The following SLIT2 variants were observed in gnomAD, a reference collection of about 807,000 sequenced individuals.
SLIT2 encodes the protein slit guidance ligand 2.
Under a neutral mutation model 185.7 loss-of-function variants are expected in SLIT2, and 41 were observed. That is an observed-to-expected ratio of 0.22 (90% CI 0.17 to 0.29). SLIT2 has a LOEUF of 0.29. Among genes scored for constraint, SLIT2 ranks in the 10% least tolerant of loss-of-function variants. The pLI, the probability that SLIT2 is intolerant of heterozygous loss-of-function variation, is 1.00. For missense variants in SLIT2, 1,571 were observed against 1,909.0 expected (o/e 0.82, Z 3.30); for synonymous variants, 693 against 680.2 (o/e 1.02, Z -0.29).
chr4:20,580,764 C>T (rs1560212450), intron 29 of SLIT2, among the ~76,000 whole-genome samples: 1 of 152,164 alleles, frequency 6.6e-6, no homozygotes, highest in Admixed American at 6.5e-5. Flanking sequence ...CTAATCTACA[C>T]TACTGTGCTC....
intron 4 of SLIT2, among the ~76,000 whole-genome samples, chr4:20,310,402 A>G (rs1338850814): frequency 6.6e-6 from 1 of 152,076 alleles, no homozygotes; most frequent in Non-Finnish European, 1.5e-5. Context: ...TTCCTTCTGT[A>G]TTTCTTTGCA....
intron 4 of SLIT2, among the ~76,000 whole-genome samples, chr4:20,442,469 A>G (rs1251233554): frequency 1.5e-5 from 2 of 135,862 alleles, no homozygotes; most frequent in South Asian, 2.5e-4. Flanking sequence ...GCTTGCAGTG[A>G]GCTGAGATCG....
chr4:20,572,956 G>A (rs1725734681), intron 29 of SLIT2, among the ~76,000 whole-genome samples: 1 of 152,168 alleles, frequency 6.6e-6, no homozygotes, highest in South Asian at 2.1e-4. Context: ...CCATGCACAA[G>A]CCATTCAGTG....
intron 4 of SLIT2, among the ~76,000 whole-genome samples, chr4:20,284,660 G>T (rs1715098259): frequency 6.6e-6 from 1 of 152,168 alleles, no homozygotes; most frequent in South Asian, 2.1e-4. Context: ...CTTATGCATA[G>T]GTGACTTTTT....
intron 4 of SLIT2, among the ~76,000 whole-genome samples, chr4:20,414,547 AC>A (rs1192876726): frequency 2.6e-5 from 4 of 152,228 alleles, no homozygotes; most frequent in Non-Finnish European, 5.9e-5. Flanking sequence ...TACTAGCAAC[AC>A]CTTTTTTAAA....
intron 29 of SLIT2, among the ~76,000 whole-genome samples, chr4:20,571,427 A>T (rs542981185): frequency 5.3e-5 from 8 of 152,172 alleles, no homozygotes; most frequent in Non-Finnish European, 8.8e-5. Context: ...GGGCAAATGT[A>T]TAACTCATCT....
At chr4:20,511,340 G>A (rs892813279) in intron 11 of SLIT2, among the ~76,000 whole-genome samples, 20 of 151,698 alleles carry the variant, frequency 1.3e-4, no homozygotes, top group African/African-American at 4.8e-4. Flanking sequence ...CCAATTTTTA[G>A]GGGTGTATAT....
intron 29 of SLIT2, among the ~76,000 whole-genome samples, chr4:20,586,262 A>C (rs1188887223): frequency 6.6e-6 from 1 of 152,232 alleles, no homozygotes; most frequent in Non-Finnish European, 1.5e-5. Context: ...TTTAAAGAGA[A>C]TAGCATAAGC....
chr4:20,542,300 C>A (rs1722863424), intron 20 of SLIT2, among the ~76,000 whole-genome samples, 194 bp from the exon 21 acceptor site: 2 of 152,136 alleles, frequency 1.3e-5, no homozygotes, highest in Admixed American at 6.6e-5. Flanking sequence ...TTCCAGAATT[C>A]TTCCCTAGGC....
intron 4 of SLIT2, among the ~76,000 whole-genome samples, chr4:20,351,053 T>C (rs971182210): frequency 1.4e-4 from 10 of 73,974 alleles, no homozygotes; most frequent in African/African-American, 3.8e-4. Context: ...TCTTTTTTTC[T>C]TTTTTTTTTT....
chr4:20,417,354 A>G (rs1020415415), intron 4 of SLIT2, among the ~76,000 whole-genome samples: 5 of 150,498 alleles, frequency 3.3e-5, no homozygotes, highest in Non-Finnish European at 5.9e-5. Flanking sequence ...CTGGAGAACT[A>G]TCTTCTTCTG....
intron 3 of SLIT2, among the ~76,000 whole-genome samples, chr4:20,260,212 C>A (rs562871210): frequency 5.3e-5 from 8 of 151,846 alleles, no homozygotes; most frequent in African/African-American, 1.9e-4. Context: ...TTATTTTAGT[C>A]AGTGTCATTA....
intron 4 of SLIT2, among the ~76,000 whole-genome samples, chr4:20,312,696 C>A: frequency 6.7e-6 from 1 of 148,700 alleles, no homozygotes; most frequent in African/African-American, 2.5e-5. Context: ...TGGCTTGAAC[C>A]TGGGAGATGG....
intron 4 of SLIT2, among the ~76,000 whole-genome samples, chr4:20,333,147 T>C (rs990394154): frequency 6.6e-6 from 1 of 152,138 alleles, no homozygotes; most frequent in Non-Finnish European, 1.5e-5. Context: ...AATACCCTTA[T>C]ACATATTGAA....
rs1363254752 is a variant in SLIT2 at position 20,567,736 on chromosome 4, C to T, written c.2948+121C>T. ...TTTTCAAAGAATTTGAGAGAAATGGCAATATGTATTGGTCCCTCTCGTAGA... is the reference window on the plus strand; with the variant it reads ...TTTTCAAAGAATTTGAGAGAAATGGTAATATGTATTGGTCCCTCTCGTAGA... On this transcript the variant is annotated intron_variant, in intron 28 of 36. Coordinates refer to ENST00000504154, the MANE Select transcript of SLIT2 (RefSeq NM_004787.4). 3 of 738,882 alleles carry T rather than the reference C, an allele frequency of 4.1e-6. No individual in the cohort carries two copies. In the East Asian group the frequency reaches 7.7e-5, roughly 19 times the overall value. The allele number at this position is 738,882 out of a possible 1,614,324, so 45.8% of individuals were successfully genotyped here.
chr4:20,556,354 A>C (rs927777350), intron 26 of SLIT2, among the ~76,000 whole-genome samples: 2 of 152,024 alleles, frequency 1.3e-5, no homozygotes, highest in Non-Finnish European at 2.9e-5. Context: ...CTGCAAACTG[A>C]TTCTGTTACA....
intron 4 of SLIT2, among the ~76,000 whole-genome samples, chr4:20,355,597 G>A (rs1264474170): frequency 2.6e-5 from 4 of 152,064 alleles, no homozygotes; most frequent in African/African-American, 9.7e-5. Flanking sequence ...AATGCAGGTG[G>A]TCATTGTATG....
chr4:20,286,756 C>A (rs1017369679), intron 4 of SLIT2, among the ~76,000 whole-genome samples: 1 of 152,140 alleles, frequency 6.6e-6, no homozygotes, highest in South Asian at 2.1e-4. Flanking sequence ...GAGCTGAGAT[C>A]GTGCCATTGC....
At chr4:20,495,640 A>T (rs538474235) in intron 9 of SLIT2, among the ~76,000 whole-genome samples, 3 of 152,272 alleles carry the variant, frequency 2.0e-5, no homozygotes, top group African/African-American at 7.2e-5. Flanking sequence ...CTTTGCCTAA[A>T]TTGAGAAGGT....
Sources: gnomAD v4.1 joint callset for allele counts (sites outside exome capture counted in the v4.1 genomes callset) on GRCh38, gnomAD v4.1.1 for gene constraint, MANE v1.5 for transcripts, NCBI Gene and HGNC (gene_info 2026-07-23, HGNC 2026-07-21) for gene names.